The following TRIO variants were observed in gnomAD, a reference collection of about 807,000 sequenced individuals.
TRIO encodes the protein trio Rho guanine nucleotide exchange factor, also known as triple functional domain protein.
Under a neutral mutation model 351.9 loss-of-function variants are expected in TRIO, and 58 were observed. The ratio of observed to expected loss-of-function variants is 0.16; its 90% CI spans 0.13 to 0.21. The LOEUF (loss-of-function observed/expected upper bound fraction) is 0.21. TRIO is among the 10% of genes least tolerant of loss of function. The pLI is 1.00. For synonymous variants in TRIO, 1,758 were observed against 1,595.7 expected, an observed-to-expected ratio of 1.10 and a Z score of -2.42; for missense variants, 3,201 against 4,027.8, an observed-to-expected ratio of 0.79 and a Z score of 5.56.
intron 9 of TRIO, among the ~76,000 whole-genome samples, chr5:14,319,234 G>C (rs1369347068): frequency 6.6e-6 from 1 of 152,162 alleles, no homozygotes; most frequent in African/African-American, 2.4e-5. Flanking sequence ...ATAGAAAATA[G>C]ATATTGCTCA....
rs1225416228 is a variant in TRIO at position 14,507,142 on chromosome 5, T to G, written c.8633T>G (p.Leu2878Arg). The change falls in exon 56 of 57, where the codon CTG (leucine) becomes CGG (arginine). Residue 2878 changes from leucine (L) to arginine (R), a missense_variant. By Grantham distance (102) the Leu-to-Arg change is moderately radical (BLOSUM62 -2). Transcript: ENST00000344204. ...VLEMADQGRL[L>R]DCVVRWGSLT... is the part of the protein sequence containing the mutation. The stretch of plus-strand genomic sequence containing the variant: ...TTTAGGGCTGACCAGGGTCGCCTCC[T>G]GGACTGCGTGGTGCGATGGGGAAGC... The G allele has an allele frequency of 6.2e-7, 1 of 1,607,790 alleles. No individual in the cohort carries two copies. Among genetic ancestry groups the G allele is most frequent in the Admixed American group, 1.7e-5 (1 of 58,356 alleles).
At chr5:14,382,284 G>A (rs528889875) in intron 21 of TRIO, among the ~76,000 whole-genome samples, 1 of 152,324 alleles carries the variant, frequency 6.6e-6, no homozygotes, top group Admixed American at 6.5e-5. Context: ...AGAGAGGACA[G>A]CTACTTTGTA....
At chr5:14,237,076 AG>A (rs1253001234) in intron 1 of TRIO, among the ~76,000 whole-genome samples, 3 of 152,222 alleles carry the variant, frequency 2.0e-5, no homozygotes, top group Non-Finnish European at 4.4e-5. Context: ...TAAAGGAAGC[AG>A]GAGTTATTTT....
At chr5:14,261,732 T>TGAACTGGGAC (rs1795356269) in intron 1 of TRIO, among the ~76,000 whole-genome samples, 1 of 152,196 alleles carries the variant, frequency 6.6e-6, no homozygotes, top group African/African-American at 2.4e-5. Context: ...AGCCTCCCAG[T>TGAACTGGGAC]TCACTTCTTC....
chr5:14,168,886 T>A (rs1788933427), intron 1 of TRIO, among the ~76,000 whole-genome samples: 1 of 152,252 alleles, frequency 6.6e-6, no homozygotes, highest in Admixed American at 6.5e-5. Flanking sequence ...ACCCAAGGTC[T>A]ATCTGGCATT....
At chr5:14,210,582 A>G (rs1450296254) in intron 1 of TRIO, among the ~76,000 whole-genome samples, 1 of 138,500 alleles carries the variant, frequency 7.2e-6, no homozygotes, top group Non-Finnish European at 1.6e-5. Context: ...CTCCTTTCAA[A>G]CCACTTTTGA....
At chr5:14,186,769 G>A (rs1415319572) in intron 1 of TRIO, among the ~76,000 whole-genome samples, 2 of 151,942 alleles carry the variant, frequency 1.3e-5, no homozygotes, top group African/African-American at 4.8e-5. Context: ...GTAGAGATGA[G>A]GTTTCACCAT....
intron 1 of TRIO, among the ~76,000 whole-genome samples, chr5:14,216,663 C>G (rs1442221903): frequency 1.3e-5 from 2 of 152,172 alleles, no homozygotes; most frequent in Non-Finnish European, 2.9e-5. Context: ...CTCTGTGTAT[C>G]GTATTATTGC....
chr5:14,233,385 G>A (rs1177250330), intron 1 of TRIO, among the ~76,000 whole-genome samples: 1 of 151,526 alleles, frequency 6.6e-6, no homozygotes, highest in Non-Finnish European at 1.5e-5. Flanking sequence ...AGCTACTTGG[G>A]AGGCTGAAGT....
At chr5:14,337,799 G>C (rs1056887862) in intron 11 of TRIO, among the ~76,000 whole-genome samples, 1 of 152,140 alleles carries the variant, frequency 6.6e-6, no homozygotes, top group Non-Finnish European at 1.5e-5. Context: ...ACCCTGTGAG[G>C]CTGTGAAGGA....
chr5:14,222,771 C>T (rs1013978358), intron 1 of TRIO, among the ~76,000 whole-genome samples: 1 of 152,194 alleles, frequency 6.6e-6, no homozygotes, highest in African/African-American at 2.4e-5. Context: ...CCCACTTTTC[C>T]CTGTTTCCAG....
chr5:14,244,020 C>T (rs1794288955), intron 1 of TRIO, among the ~76,000 whole-genome samples: 1 of 152,224 alleles, frequency 6.6e-6, no homozygotes, highest in Non-Finnish European at 1.5e-5. Context: ...TGCAGCTCAG[C>T]CGCTGCTGAC....
chr5:14,207,292 GCC>G (rs1791528451), intron 1 of TRIO, among the ~76,000 whole-genome samples: 1 of 10,748 alleles, frequency 9.3e-5, no homozygotes, highest in Non-Finnish European at 2.1e-4. Context: ...CACACACACA[GCC>G]AGGTAGCATA....
Position 14,487,646 on chromosome 5 carries a change from C to T in TRIO, c.7018C>T (p.Arg2340Trp). Residue 2340 changes from arginine (R) to tryptophan (W), a missense_variant, in exon 48 of 57, where the codon CGG becomes TGG. Physicochemically the swap from Arg to Trp is moderately radical, Grantham distance 101 (BLOSUM62 -3). Coordinates refer to ENST00000344204, the MANE Select transcript of TRIO (RefSeq NM_007118.4). ...APSTSRSRPS[R>W]IPQPVRHHPP... ...CAGCACGAGCAGGAGCCGGCCCTCC[C>T]GGATCCCCCAGCCTGTCCGACACCA... 10 of 1,271,502 alleles carry T rather than the reference C, an allele frequency of 7.9e-6. No homozygotes were observed. The highest frequency in any genetic ancestry group is 1.0e-5 in the Non-Finnish European group (10 of 998,222). The allele number at this position is 1,271,502 out of a possible 1,614,324, so 78.8% of individuals were successfully genotyped here.
At chr5:14,388,540 A>G in intron 23 of TRIO, 73 bp from the exon 24 acceptor site, 1 of 1,426,678 alleles carries the variant, frequency 7.0e-7, no homozygotes, top group Non-Finnish European at 9.7e-7. Context: ...CTGTTATTTC[A>G]TAAATCCATA....
At chr5:14,489,588 A>G (rs1458005272) in intron 48 of TRIO, among the ~76,000 whole-genome samples, 1 of 152,226 alleles carries the variant, frequency 6.6e-6, no homozygotes, top group East Asian at 1.9e-4. Flanking sequence ...GCCAGTTAGC[A>G]TCTAGAGCTC....
intron 49 of TRIO, among the ~76,000 whole-genome samples, chr5:14,495,899 T>G (rs527431396): frequency 6.7e-4 from 102 of 152,128 alleles, no homozygotes; most frequent in African/African-American, 2.3e-3. Flanking sequence ...ACCCACAAGG[T>G]GGAGCTTGCA....
At chr5:14,396,991 T>C (rs1021950997) in intron 28 of TRIO, 52 bp from the exon 29 acceptor site, 5 of 1,499,974 alleles carry the variant, frequency 3.3e-6, no homozygotes, top group Middle Eastern at 1.7e-4. Flanking sequence ...CAAGGTCTTA[T>C]TGGCAGAGCA....
chr5:14,336,717 A>G lies in TRIO; in HGVS notation c.2036A>G (p.His679Arg), dbSNP rs1179399647. The change falls in exon 11 of 57, where the codon CAT (histidine) becomes CGT (arginine). Residue 679 changes from histidine to arginine, a missense_variant. His to Arg is a conservative substitution (Grantham distance 29). This residue lies in a region of TRIO where 363 missense variants were observed against 553.5 expected (regional missense o/e 0.66). Transcript: ENST00000344204. ...GACATGTCAGTGTCCTTTCACACCCATGTGAAAGAGGTAAGGTGCCAGGAG... is the reference window on the plus strand; with the variant it reads ...GACATGTCAGTGTCCTTTCACACCCGTGTGAAAGAGGTAAGGTGCCAGGAG... ...LLDMSVSFHT[H>R]VKELWTWLEE... is the part of the protein sequence containing the mutation. 1.9e-6 allele frequency: 3 copies of G among 1,613,972 alleles called. No homozygotes were observed. Among genetic ancestry groups the G allele is most frequent in the African/African-American group, 2.7e-5 (2 of 74,928 alleles).
Sources: gnomAD v4.1 joint callset for allele counts (sites outside exome capture counted in the v4.1 genomes callset) on GRCh38, gnomAD v4.1.1 for gene constraint, gnomAD v4.1.1 regional missense constraint, MANE v1.5 for transcripts, NCBI Gene and HGNC (gene_info 2026-07-23, HGNC 2026-07-21) for gene names.